The following FHIT variants were observed in gnomAD, a reference collection of about 807,000 sequenced individuals.
FHIT encodes the protein bis(5'-adenosyl)-triphosphatase.
A neutral mutation model predicts 17.9 loss-of-function variants in FHIT; 19 were observed. That is an observed-to-expected ratio of 1.06 (90% confidence interval 0.74 to 1.56). FHIT has a LOEUF of 1.56. FHIT is among the 40% of genes most tolerant of loss of function. The pLI is 0.00. For missense variants in FHIT, 248 were observed against 189.2 expected, an observed-to-expected ratio of 1.31 and a Z score of -1.82; for synonymous variants, 81 against 69.7, an observed-to-expected ratio of 1.16 and a Z score of -0.81.
chr3:59,922,539 A>C (rs2276732), intron 7 of FHIT, 125 bp from the exon 8 acceptor site: 61,091 of 755,308 alleles, frequency 0.081, 4,636 homozygotes, highest in East Asian at 0.36. Flanking sequence ...TTTCAGAGGA[A>C]GTTGATATCC....
chr3:61,022,817 A>G (rs959368925), intron 3 of FHIT, among the ~76,000 whole-genome samples: 5 of 152,220 alleles, frequency 3.3e-5, no homozygotes, highest in African/African-American at 1.2e-4. Context: ...AAAACGCTCA[A>G]TAAACTAGGT....
At chr3:60,832,953 T>C (rs1393275872) in intron 3 of FHIT, among the ~76,000 whole-genome samples, 2 of 152,206 alleles carry the variant, frequency 1.3e-5, no homozygotes, top group East Asian at 3.8e-4. Context: ...TAGCCATATA[T>C]GTTGCTAGTG....
At chr3:60,778,975 G>A (rs1442115424) in intron 4 of FHIT, among the ~76,000 whole-genome samples, 1 of 152,198 alleles carries the variant, frequency 6.6e-6, no homozygotes, top group African/African-American at 2.4e-5. Context: ...GGGACCTTAA[G>A]AGGAGAGGAT....
At chr3:61,109,775 C>T (rs185941014) in intron 2 of FHIT, among the ~76,000 whole-genome samples, 14 of 152,322 alleles carry the variant, frequency 9.2e-5, no homozygotes, top group Admixed American at 5.9e-4. Context: ...CACACAAACA[C>T]ATACCTGAGC....
chr3:61,063,943 A>G (rs932134342), intron 2 of FHIT, among the ~76,000 whole-genome samples: 17 of 152,232 alleles, frequency 1.1e-4, no homozygotes, highest in African/African-American at 4.1e-4. Context: ...ACAGAAGTAT[A>G]GCAGCAGTGT....
intron 4 of FHIT, among the ~76,000 whole-genome samples, chr3:60,639,291 G>T (rs890774471): frequency 6.6e-6 from 1 of 151,994 alleles, no homozygotes; most frequent in Admixed American, 6.6e-5. Flanking sequence ...TGTGAGAACG[G>T]TGAACCAAAG....
intron 8 of FHIT, among the ~76,000 whole-genome samples, chr3:59,899,078 C>T (rs1322555086): frequency 6.6e-6 from 1 of 152,190 alleles, no homozygotes; most frequent in African/African-American, 2.4e-5. Context: ...CTTCACTCCT[C>T]CATGTTCCTC....
chr3:61,079,931 A>G (rs1238722423), intron 2 of FHIT, among the ~76,000 whole-genome samples: 2 of 152,208 alleles, frequency 1.3e-5, no homozygotes, highest in African/African-American at 2.4e-5. Context: ...CCCCAAAATT[A>G]TTTGTGAAAA....
chr3:60,142,697 T>G (rs1046099921), intron 5 of FHIT, among the ~76,000 whole-genome samples: 3 of 151,154 alleles, frequency 2.0e-5, no homozygotes, highest in Non-Finnish European at 4.4e-5. Flanking sequence ...TTTTTTTCTT[T>G]TTTTTTTTAA....
intron 4 of FHIT, among the ~76,000 whole-genome samples, chr3:60,542,076 A>G (rs2036204100): frequency 6.6e-6 from 1 of 152,180 alleles, no homozygotes; most frequent in African/African-American, 2.4e-5. Flanking sequence ...TTTTTTGTCA[A>G]AAATACACAG....
At chr3:60,561,322 C>G (rs970394911) in intron 4 of FHIT, among the ~76,000 whole-genome samples, 1 of 152,094 alleles carries the variant, frequency 6.6e-6, no homozygotes, top group South Asian at 2.1e-4. Context: ...TTCCAAAGCA[C>G]CTGGACCCCA....
intron 4 of FHIT, among the ~76,000 whole-genome samples, chr3:60,756,875 C>A (rs1368108321): frequency 2.0e-5 from 3 of 152,170 alleles, no homozygotes; most frequent in Non-Finnish European, 2.9e-5. Flanking sequence ...ACAGCACTAA[C>A]TTCCAATAAG....
rs1236946094 is a variant in FHIT at position 60,077,717 on chromosome 3, C to T, written c.104-63565G>A. 1.1e-4 allele frequency among the ~76,000 whole-genome samples: 11 copies of T among 103,998 alleles called. No homozygotes were observed. The South Asian group carries it at 1.9e-3, about 18-fold the overall frequency. The allele number at this position is 103,998 out of a possible 152,430, so 68.2% of individuals were successfully genotyped here. A position where few individuals can be genotyped will look rare whatever the true frequency, so the allele number is the denominator to read the frequency against. ...ACACACACACACACACACACACACA[C>T]ACACACACACACATATATAGAGGGG... On this transcript the variant is annotated intron_variant, in intron 5 of 9. Transcript: ENST00000492590.
chr3:60,710,060 A>G lies in FHIT; in HGVS notation c.-18+111859T>C, dbSNP rs1451041558. ...GTTCTTTCTGCATACTTCCCATTTC[A>G]GCACACAGAATGCTAAAAAAAAAAA... On this transcript the variant is annotated intron_variant, in intron 4 of 9. Coordinates refer to ENST00000492590, the MANE Select transcript of FHIT (RefSeq NM_002012.4). Among the ~76,000 whole-genome samples the G allele has an allele frequency of 6.1e-5, 9 of 148,392 alleles. No individual in the cohort carries two copies. The South Asian group carries it at 1.1e-3, about 18-fold the overall frequency.
At chr3:61,103,412 TGA>T (rs1312903971) in intron 2 of FHIT, among the ~76,000 whole-genome samples, 1 of 152,256 alleles carries the variant, frequency 6.6e-6, no homozygotes, top group Non-Finnish European at 1.5e-5. Flanking sequence ...CACTGTGGTC[TGA>T]GAGACAGTTT....
chr3:60,494,558 C>T (rs1248452124), intron 5 of FHIT, among the ~76,000 whole-genome samples: 1 of 152,004 alleles, frequency 6.6e-6, no homozygotes, highest in East Asian at 2.0e-4. Flanking sequence ...AATACTAGGT[C>T]TTATTCATGT....
At chr3:60,817,358 A>G (rs533987589) in intron 4 of FHIT, among the ~76,000 whole-genome samples, 1 of 152,202 alleles carries the variant, frequency 6.6e-6, no homozygotes, top group East Asian at 1.9e-4. Flanking sequence ...ATCTGGTGTT[A>G]TCTCACTTTA....
At chr3:60,933,936 C>A (rs1248145529) in intron 3 of FHIT, among the ~76,000 whole-genome samples, 1 of 152,170 alleles carries the variant, frequency 6.6e-6, no homozygotes, top group Admixed American at 6.5e-5. Flanking sequence ...CGGAATCTAT[C>A]AGGCCTCACA....
In FHIT at chr3:60,006,971, T is replaced by A. The variant is rs576909550; in HGVS notation, c.279+4400A>T. On this transcript the variant is annotated intron_variant, in intron 7 of 9. Transcript: ENST00000492590. ...TCTTCTTCTAGAGCAATCTAAAAAGTAATTTCTAATATCTTAAAAGTTATT... is the reference window on the plus strand; with the variant it reads ...TCTTCTTCTAGAGCAATCTAAAAAGAAATTTCTAATATCTTAAAAGTTATT... Among the ~76,000 whole-genome samples, 7 of 152,324 alleles carry A rather than the reference T, an allele frequency of 4.6e-5. No individual in the cohort carries two copies. The South Asian group carries it at 1.4e-3, about 32-fold the overall frequency.
Sources: allele counts gnomAD v4.1 joint callset (sites outside exome capture counted in the v4.1 genomes callset), GRCh38; gene constraint gnomAD v4.1.1; transcripts MANE v1.5; gene names NCBI Gene and HGNC (gene_info 2026-07-23, HGNC 2026-07-21).